Variants in SYK observed in about 807,000 individuals in gnomAD.
SYK encodes the protein spleen associated tyrosine kinase, also known as tyrosine-protein kinase SYK.
SYK carries 16 observed loss-of-function variants against 77.8 expected under a neutral mutation model. The observed-to-expected ratio is 0.21, with a 90% confidence interval of 0.14 to 0.31. SYK has a LOEUF of 0.31. SYK is among the 10% of genes least tolerant of loss of function. SYK has a pLI of 1.00. For synonymous variants in SYK, 312 were observed against 308.7 expected (o/e 1.01, Z -0.11); for missense variants, 529 against 814.4 (o/e 0.65, Z 4.26).
chr9:90,820,433 C>T (rs938300872), intron 1 of SYK, among the ~76,000 whole-genome samples: 1 of 152,256 alleles, frequency 6.6e-6, no homozygotes, highest in Non-Finnish European at 1.5e-5. Flanking sequence ...GAAGTCTAGG[C>T]AGAGGTTCCC....
intron 1 of SYK, among the ~76,000 whole-genome samples, chr9:90,831,848 C>T (rs290216): frequency 0.29 from 44,307 of 151,984 alleles, 6,725 homozygotes; most frequent in East Asian, 0.45. Flanking sequence ...TTGTGCTTTT[C>T]TGGGGTGATT....
chr9:90,802,022 C>G (rs1212724668), intron 1 of SYK, 129 bp downstream of exon 1: 1 of 152,290 alleles, frequency 6.6e-6, no homozygotes, highest in Non-Finnish European at 1.5e-5. Context: ...GTGCTGAAAC[C>G]ATGTGAATAA....
intron 3 of SYK, among the ~76,000 whole-genome samples, chr9:90,853,622 C>A (rs1564095790): frequency 6.6e-6 from 1 of 151,544 alleles, no homozygotes; most frequent in Non-Finnish European, 1.5e-5. Context: ...ATCGCAAGGA[C>A]AAAAAAACAA....
chr9:90,842,758 A>AGTGTGT (rs60139969), intron 1 of SYK, among the ~76,000 whole-genome samples: 64 of 58,392 alleles, frequency 1.1e-3, no homozygotes, highest in South Asian at 4.7e-3. Flanking sequence ...GTATGGAGAG[A>AGTGTGT]GTGTGTGTGT....
In SYK at chr9:90,840,933, T is replaced by A. The variant is rs1055272156; in HGVS notation, c.-41-2925T>A. ...CTGTGTCAGGCTGATGCTCTTACAT[T>A]TTATAGCCCCTTGTAGGATAGTGCA... On this transcript the variant is annotated intron_variant, in intron 1 of 13. Transcript: ENST00000375754. Among the ~76,000 whole-genome samples, 5 of 152,320 alleles carry A rather than the reference T, an allele frequency of 3.3e-5. No individual in the cohort carries two copies. In the South Asian group the frequency reaches 1.0e-3, roughly 32 times the overall value.
intron 1 of SYK, among the ~76,000 whole-genome samples, chr9:90,842,385 G>A (rs899999127): frequency 6.0e-5 from 9 of 150,780 alleles, no homozygotes; most frequent in East Asian, 3.9e-4. Context: ...TGTGTAGTGC[G>A]CATGTAGTCA....
At chr9:90,892,930 G>A (rs914449515) in intron 13 of SYK, among the ~76,000 whole-genome samples, 3 of 152,170 alleles carry the variant, frequency 2.0e-5, no homozygotes, top group African/African-American at 7.2e-5. Context: ...CCAGGACCTT[G>A]GTGAGATGTC....
rs910938525 is a variant in SYK at position 90,895,829 on chromosome 9, ATTTG to A, written c.*237_*240del. ...TGGCAGGATCCAAGGGGCTAGCTGGATTTGTTTGTTTTCTTGTCTGTGTGATTTT... is the reference window on the plus strand; with the variant it reads ...TGGCAGGATCCAAGGGGCTAGCTGGATTTGTTTTCTTGTCTGTGTGATTTT... On this transcript the variant is annotated 3_prime_UTR_variant, in exon 14 of 14. Coordinates refer to ENST00000375754, the MANE Select transcript of SYK (RefSeq NM_003177.7). This position sits in a 1 kb window ranked among gnomAD's most constrained non-coding sequence, Gnocchi z 4.4. The A allele has an allele frequency of 9.5e-6, 5 of 525,684 alleles. No homozygotes were observed. The highest frequency in any genetic ancestry group is 1.7e-5 in the Non-Finnish European group (5 of 290,822). The allele number at this position is 525,684 out of a possible 1,614,324, so 32.6% of individuals were successfully genotyped here.
chr9:90,878,857 G>A lies in SYK; in HGVS notation c.1485G>A (p.Leu495=), dbSNP rs200991736. The change falls in exon 11 of 14, where the codon CTG becomes CTA. Residue 495 remains leucine (L), a synonymous_variant. Transcript: ENST00000375754. The part of the protein sequence containing the change: ...LEESNFVHRD[L]AARNVLLVTQ... Reference sequence around the variant, plus strand: ...AGAGCAATTTTGTGCACAGAGATCTGGCTGCAAGAAATGTGTTGCTAGTTA... The same window carrying A: ...AGAGCAATTTTGTGCACAGAGATCTAGCTGCAAGAAATGTGTTGCTAGTTA... The A allele has an allele frequency of 8.1e-6, 13 of 1,614,066 alleles. No individual in the cohort carries two copies. Among genetic ancestry groups the A allele is most frequent in the Non-Finnish European group, 1.1e-5 (13 of 1,180,014 alleles).
chr9:90,889,375 G>A (rs290255), intron 13 of SYK, among the ~76,000 whole-genome samples: 18,540 of 152,296 alleles, frequency 0.12, 1,330 homozygotes, highest in East Asian at 0.3. Flanking sequence ...ACACAGCTGA[G>A]AATCGATGTG....
chr9:90,895,432 C>A lies in SYK; in HGVS notation c.1836-96C>A. On this transcript the variant is annotated intron_variant, in intron 13 of 13. Coordinates refer to ENST00000375754, the MANE Select transcript of SYK (RefSeq NM_003177.7). This position sits in a 1 kb window ranked among gnomAD's most constrained non-coding sequence, Gnocchi z 4.4. ...GGCCCTAGAGTTAGCCACCAGGGAG[C>A]AGCACCACTGGTACTCAGCCTGCAG... is the stretch of plus-strand genomic sequence containing the variant. 7.7e-7 allele frequency: 1 copy of A among 1,294,424 alleles called. No individual in the cohort carries two copies. Among genetic ancestry groups the A allele is most frequent in the African/African-American group, 1.4e-5 (1 of 69,194 alleles). 80.2% of individuals were successfully genotyped at this position (1,294,424 alleles called of 1,614,324 possible).
intron 4 of SYK, among the ~76,000 whole-genome samples, chr9:90,863,311 G>A (rs1050310942): frequency 3.9e-5 from 6 of 152,266 alleles, no homozygotes; most frequent in African/African-American, 1.4e-4. Flanking sequence ...ACATGTGTGG[G>A]TGAGGGGCAT....
intron 1 of SYK, among the ~76,000 whole-genome samples, chr9:90,832,932 G>T (rs1476759189): frequency 6.6e-6 from 1 of 152,186 alleles, no homozygotes; most frequent in East Asian, 1.9e-4. Context: ...TCATCTGAAG[G>T]CTTGATAGAG....
chr9:90,894,353 G>C (rs928203108), intron 13 of SYK, among the ~76,000 whole-genome samples: 1 of 152,204 alleles, frequency 6.6e-6, no homozygotes, highest in Admixed American at 6.5e-5. Flanking sequence ...TGGGAGGCCC[G>C]TGTCCCCAGA....
At chr9:90,812,021 A>T (rs1755958) in intron 1 of SYK, among the ~76,000 whole-genome samples, 1 of 151,388 alleles carries the variant, frequency 6.6e-6, no homozygotes, top group African/African-American at 2.4e-5. Context: ...CTACTTATAC[A>T]TGCATTTCTG....
chr9:90,873,975 A>G (rs55804113), intron 7 of SYK, among the ~76,000 whole-genome samples: 30,794 of 152,134 alleles, frequency 0.2, 3,618 homozygotes, highest in Admixed American at 0.31. Flanking sequence ...CACCTCACAG[A>G]GTCCCTTGAG....
intron 1 of SYK, among the ~76,000 whole-genome samples, chr9:90,840,209 T>C (rs1826244883): frequency 6.6e-6 from 1 of 152,086 alleles, no homozygotes; most frequent in South Asian, 2.1e-4. Flanking sequence ...GCAGAGAAGA[T>C]GGAGAACCTG....
At chr9:90,852,830 G>A (rs1026335916) in intron 3 of SYK, among the ~76,000 whole-genome samples, 1 of 152,154 alleles carries the variant, frequency 6.6e-6, no homozygotes, top group Non-Finnish European at 1.5e-5. Flanking sequence ...CATTGTGATA[G>A]GACTTGGCTA....
chr9:90,838,827 T>C (rs528289519), intron 1 of SYK, among the ~76,000 whole-genome samples: 3 of 152,336 alleles, frequency 2.0e-5, no homozygotes, highest in Non-Finnish European at 2.9e-5. Flanking sequence ...GAGCTGTTCC[T>C]GTAGTCAGAG....
Sources: gnomAD v4.1 joint callset for allele counts (sites outside exome capture counted in the v4.1 genomes callset) on GRCh38, gnomAD v4.1.1 for gene constraint, Gnocchi (gnomAD v3.1) non-coding constraint, MANE v1.5 for transcripts, NCBI Gene and HGNC (gene_info 2026-07-23, HGNC 2026-07-21) for gene names.